The following RGS6 variants were observed in gnomAD, a reference collection of about 807,000 sequenced individuals.
RGS6 encodes regulator of G-protein signaling 6.
In RGS6, 30 loss-of-function variants were observed where a neutral mutation model predicts 78.5. The observed-to-expected ratio is 0.38, with a 90% CI of 0.29 to 0.52. The LOEUF (loss-of-function observed/expected upper bound fraction) is 0.52, where lower values mean the gene tolerates loss of function less well. Ranked by LOEUF, RGS6 falls within the 20% of genes least tolerant of loss-of-function variation. The probability of loss-of-function intolerance (pLI) is 0.85; values close to 1 mark genes in which losing one functional copy is unlikely to be tolerated. For missense variants in RGS6, 495 were observed against 609.7 expected (o/e 0.81, Z 1.98); for synonymous variants, 206 against 206.0 (o/e 1.00, Z 0.00).
chr14:72,479,288 C>A (rs2096314769), intron 12 of RGS6, among the ~76,000 whole-genome samples: 1 of 152,196 alleles, frequency 6.6e-6, no homozygotes, highest in Non-Finnish European at 1.5e-5. Flanking sequence ...GAATACCCTA[C>A]CTTCAGGGGC....
At chr14:71,895,445 C>A in the RGS6 span, among the ~76,000 whole-genome samples, 1 of 152,020 alleles carries the variant, frequency 6.6e-6, no homozygotes, top group Non-Finnish European at 1.5e-5. Context: ...CCTCAGACTC[C>A]CAAAGTGCTG....
chr14:72,066,229 C>G (rs1007371522), intron 2 of RGS6, among the ~76,000 whole-genome samples: 2 of 152,008 alleles, frequency 1.3e-5, no homozygotes, highest in African/African-American at 4.8e-5. Flanking sequence ...GGGGAGGGAA[C>G]GGGTCACTGG....
intron 3 of RGS6, among the ~76,000 whole-genome samples, chr14:72,425,086 G>A (rs1597345202): frequency 1.3e-5 from 2 of 152,150 alleles, no homozygotes; most frequent in Admixed American, 1.3e-4. Context: ...GCAATATTGC[G>A]AGCATAATAC....
intron 3 of RGS6, among the ~76,000 whole-genome samples, chr14:72,354,507 G>A (rs994601230): frequency 3.3e-5 from 5 of 150,946 alleles, no homozygotes; most frequent in South Asian, 2.1e-4. Context: ...GTGGTGGCAC[G>A]TGCTTGTAGT....
intron 2 of RGS6, among the ~76,000 whole-genome samples, chr14:72,306,542 T>C (rs1595591163): frequency 6.6e-6 from 1 of 152,326 alleles, no homozygotes; most frequent in East Asian, 1.9e-4. Flanking sequence ...ACAGTTTTGA[T>C]TTCTGGGAGG....
chr14:72,498,836 C>T (rs74063433), intron 13 of RGS6, among the ~76,000 whole-genome samples: 2,174 of 152,280 alleles, frequency 0.014, 53 homozygotes, highest in African/African-American at 0.05. Context: ...CGGAGTTCCC[C>T]GGCAGGCTTT....
At chr14:72,045,742 G>A (rs979464355) in intron 2 of RGS6, among the ~76,000 whole-genome samples, 2 of 151,804 alleles carry the variant, frequency 1.3e-5, no homozygotes, top group Non-Finnish European at 2.9e-5. Context: ...AGATAGGAAG[G>A]CTAGAGGGGG....
intron 3 of RGS6, among the ~76,000 whole-genome samples, chr14:72,399,056 T>A (rs576105984): frequency 2.6e-5 from 4 of 151,738 alleles, no homozygotes; most frequent in South Asian, 4.2e-4. Context: ...GTTCTGTAGA[T>A]GTCTATTAGG....
intron 2 of RGS6, among the ~76,000 whole-genome samples, chr14:72,236,073 C>A (rs557235773): frequency 6.6e-6 from 1 of 152,318 alleles, no homozygotes; most frequent in South Asian, 2.1e-4. Context: ...GTGTTTATCA[C>A]ACACTTTCAT....
the RGS6 span, chr14:72,619,954 G>A: frequency 3.3e-6 from 5 of 1,535,322 alleles, no homozygotes; most frequent in Non-Finnish European, 4.4e-6. Context: ...TGATAGCCTC[G>A]GTCACAGTCA....
At chr14:72,141,729 C>G (rs1402354965) in intron 2 of RGS6, among the ~76,000 whole-genome samples, 2 of 152,014 alleles carry the variant, frequency 1.3e-5, no homozygotes, top group Non-Finnish European at 2.9e-5. Flanking sequence ...GGCTGTGTCC[C>G]CAGCTGAGTT....
intron 2 of RGS6, among the ~76,000 whole-genome samples, chr14:72,240,323 G>A (rs779688643): frequency 4.6e-5 from 7 of 152,118 alleles, no homozygotes; most frequent in Non-Finnish European, 7.4e-5. Flanking sequence ...TGAGTTAATC[G>A]GGGTGGGGGG....
chr14:72,013,616 A>G (rs908913585), intron 2 of RGS6, among the ~76,000 whole-genome samples: 2 of 152,228 alleles, frequency 1.3e-5, no homozygotes, highest in Admixed American at 6.5e-5. Context: ...TCACTTTACT[A>G]TTTGTGTACA....
chr14:72,442,127 T>C (rs535444253), intron 3 of RGS6, among the ~76,000 whole-genome samples: 1 of 152,266 alleles, frequency 6.6e-6, no homozygotes, highest in South Asian at 2.1e-4. Flanking sequence ...TGCTTGATGC[T>C]TGAATCTCTG....
chr14:72,247,610 C>T (rs117999503), intron 2 of RGS6, among the ~76,000 whole-genome samples: 1,671 of 152,266 alleles, frequency 0.011, 10 homozygotes, highest in Non-Finnish European at 0.018. Flanking sequence ...ATGTGTCCCT[C>T]GAAGTTCATG....
chr14:72,157,473 A>G (rs187088141), intron 2 of RGS6, among the ~76,000 whole-genome samples: 1 of 152,324 alleles, frequency 6.6e-6, no homozygotes. Context: ...CAGAGGTGCT[A>G]TGTGTGGCTG....
intron 2 of RGS6, among the ~76,000 whole-genome samples, chr14:72,301,827 C>T (rs892180473): frequency 6.6e-6 from 1 of 152,056 alleles, no homozygotes; most frequent in Non-Finnish European, 1.5e-5. Flanking sequence ...TCTCCAAGTC[C>T]ACTCACACTG....
At chr14:72,106,984 T>A (rs1388793210) in intron 2 of RGS6, among the ~76,000 whole-genome samples, 2 of 152,188 alleles carry the variant, frequency 1.3e-5, no homozygotes, top group Admixed American at 1.3e-4. Flanking sequence ...CTCACTGTAT[T>A]TTGATGTTAA....
At chr14:71,940,328 G>A (rs974293393) in intron 1 of RGS6, among the ~76,000 whole-genome samples, 1 of 152,148 alleles carries the variant, frequency 6.6e-6, no homozygotes, top group Non-Finnish European at 1.5e-5. Context: ...CTTCCTTAAG[G>A]GGACCCAGCC....
Sources: allele counts gnomAD v4.1 joint callset (sites outside exome capture counted in the v4.1 genomes callset), GRCh38; gene constraint gnomAD v4.1.1; transcripts MANE v1.5; gene names NCBI Gene and HGNC (gene_info 2026-07-23, HGNC 2026-07-21).